Variants in PLD5 observed in about 807,000 individuals in gnomAD.
PLD5 encodes inactive phospholipase D5.
A neutral mutation model predicts 61.1 loss-of-function variants in PLD5; 36 were observed. The ratio of observed to expected loss-of-function variants is 0.59; its 90% CI spans 0.45 to 0.78. PLD5 has a LOEUF of 0.78. PLD5 is among the 30% of genes least tolerant of loss of function. The probability of loss-of-function intolerance (pLI) is 0.00; values close to 1 mark genes in which losing one functional copy is unlikely to be tolerated. For synonymous variants in PLD5, 243 were observed against 242.8 expected (o/e 1.00, Z -0.01); for missense variants, 515 against 644.4 (o/e 0.80, Z 2.17).
chr1:242,251,619 T>C (rs1222353003), intron 4 of PLD5, among the ~76,000 whole-genome samples: 1 of 151,328 alleles, frequency 6.6e-6, no homozygotes, highest in African/African-American at 2.4e-5. Context: ...AACCTGAACA[T>C]GGAGAAAAGG....
intron 2 of PLD5, among the ~76,000 whole-genome samples, chr1:242,347,271 G>T (rs1172698968): frequency 6.6e-6 from 1 of 152,080 alleles, no homozygotes; most frequent in Admixed American, 6.5e-5. Context: ...GTTGGGGGGT[G>T]GTCTTAGGCT....
chr1:242,353,323 A>T (rs1660579145), intron 1 of PLD5, among the ~76,000 whole-genome samples: 3 of 152,058 alleles, frequency 2.0e-5, no homozygotes, highest in Admixed American at 1.3e-4. Context: ...AAATCAATTG[A>T]CCACAGATGT....
chr1:242,403,766 C>T (rs1664074156), intron 1 of PLD5, among the ~76,000 whole-genome samples: 2 of 152,140 alleles, frequency 1.3e-5, no homozygotes, highest in Non-Finnish European at 2.9e-5. Flanking sequence ...TCTGGAAGCT[C>T]CTGGGTGTGA....
At chr1:242,525,962 A>G (rs1168113115), upstream of PLD5, among the ~76,000 whole-genome samples, 1 of 152,204 alleles carries the variant, frequency 6.6e-6, no homozygotes, top group African/African-American at 2.4e-5. Context: ...GAGCTGAACT[A>G]TATTGTGCAA....
intron 2 of PLD5, among the ~76,000 whole-genome samples, chr1:242,313,632 A>G (rs548933670): frequency 2.6e-5 from 4 of 152,314 alleles, no homozygotes; most frequent in African/African-American, 7.2e-5. Flanking sequence ...TACTTCTCAA[A>G]TAACCCATGT....
intron 4 of PLD5, among the ~76,000 whole-genome samples, chr1:242,245,312 T>C (rs147528406): frequency 6.8e-4 from 104 of 152,314 alleles, no homozygotes; most frequent in Admixed American, 1.8e-3. Context: ...TGAGGCATAA[T>C]TATAGGAAAT....
chr1:242,321,295 T>C lies in PLD5; in HGVS notation c.326+26811A>G, dbSNP rs199862916. ...CATTTACCATCTATTCTTTCTTTCT[T>C]TCTCTCTCTCTCTCTTTTTTTTTTT... On this transcript the variant is annotated intron_variant, in intron 2 of 9. Coordinates refer to ENST00000536534, the MANE Select transcript of PLD5 (RefSeq NM_001372062.1). Among the ~76,000 whole-genome samples the C allele has an allele frequency of 1.4e-4, 21 of 151,286 alleles. 1 individual carries two copies. Among genetic ancestry groups the C allele is most frequent in the African/African-American group, 4.6e-4 (19 of 41,118 alleles).
Position 242,400,723 on chromosome 1 carries a change from C to T in PLD5, c.190-52481G>A, listed in dbSNP as rs141352960. On this transcript the variant is annotated intron_variant, in intron 1 of 9. Transcript: ENST00000536534. ...AAGTCCCGGGATCTTTTCCCACCACCCGCCTGCTTTTCCAGCCCCCAAGAA... is the reference window on the plus strand; with the variant it reads ...AAGTCCCGGGATCTTTTCCCACCACTCGCCTGCTTTTCCAGCCCCCAAGAA... Among the ~76,000 whole-genome samples the T allele has an allele frequency of 3.9e-5, 6 of 152,212 alleles. No homozygotes were observed. The East Asian group carries it at 1.2e-3, about 29-fold the overall frequency.
At chr1:242,127,230 T>C (rs1169822554) in intron 5 of PLD5, among the ~76,000 whole-genome samples, 2 of 152,220 alleles carry the variant, frequency 1.3e-5, no homozygotes, top group South Asian at 2.1e-4. Context: ...ACAACCACTA[T>C]GGAAAACAGT....
upstream of PLD5, among the ~76,000 whole-genome samples, chr1:242,529,431 A>G (rs2103019266): frequency 6.6e-6 from 1 of 152,206 alleles, no homozygotes; most frequent in South Asian, 2.1e-4. Flanking sequence ...CTTTTTTCTC[A>G]CAAAATCCTG....
At chr1:242,305,380 T>A (rs1160936246) in intron 2 of PLD5, among the ~76,000 whole-genome samples, 1 of 152,176 alleles carries the variant, frequency 6.6e-6, no homozygotes, top group Non-Finnish European at 1.5e-5. Flanking sequence ...CTATTTTCTA[T>A]TTAAATATTT....
intron 1 of PLD5, among the ~76,000 whole-genome samples, chr1:242,438,937 C>T (rs1279386247): frequency 6.8e-6 from 1 of 147,318 alleles, no homozygotes; most frequent in African/African-American, 2.5e-5. Flanking sequence ...CTGCCCCTTC[C>T]CCAGCTTGTT....
At chr1:242,233,793 CTG>C (rs2149042869) in intron 4 of PLD5, among the ~76,000 whole-genome samples, 1 of 152,252 alleles carries the variant, frequency 6.6e-6, no homozygotes, top group Admixed American at 6.5e-5. Flanking sequence ...CCCCCTCTAG[CTG>C]TGTGTGTCCC....
intron 4 of PLD5, among the ~76,000 whole-genome samples, chr1:242,249,775 T>C (rs1430324420): frequency 5.9e-5 from 9 of 152,238 alleles, no homozygotes; most frequent in Non-Finnish European, 1.2e-4. Context: ...CATTGGAGCT[T>C]ATTAAAGGAA....
At chr1:242,168,023 T>C (rs1456023593) in intron 5 of PLD5, among the ~76,000 whole-genome samples, 1 of 152,218 alleles carries the variant, frequency 6.6e-6, no homozygotes, top group African/African-American at 2.4e-5. Context: ...TGCAAATCAA[T>C]GGAACCAGAA....
chr1:242,521,508 T>C (rs1442711883), intron 1 of PLD5, among the ~76,000 whole-genome samples: 3 of 152,230 alleles, frequency 2.0e-5, no homozygotes, highest in Middle Eastern at 3.2e-3. Context: ...TGACCAAATA[T>C]GTGTGTCATT....
intron 5 of PLD5, among the ~76,000 whole-genome samples, chr1:242,137,936 A>G (rs1469998537): frequency 6.6e-6 from 1 of 152,218 alleles, no homozygotes; most frequent in Non-Finnish European, 1.5e-5. Context: ...TTCTTTCCAC[A>G]TGCTTATGGG....
At chr1:242,107,193 G>C (rs1298383188) in intron 8 of PLD5, among the ~76,000 whole-genome samples, 1 of 152,038 alleles carries the variant, frequency 6.6e-6, no homozygotes, top group Non-Finnish European at 1.5e-5. Context: ...AAGATGGAGA[G>C]GGCCGGGTGC....
chr1:242,221,414 G>A (rs1308759694), intron 4 of PLD5, among the ~76,000 whole-genome samples: 1 of 152,146 alleles, frequency 6.6e-6, no homozygotes. Context: ...ATTACCACAG[G>A]CACACATAAG....
Sources: gnomAD v4.1 joint callset for allele counts (sites outside exome capture counted in the v4.1 genomes callset) on GRCh38, gnomAD v4.1.1 for gene constraint, MANE v1.5 for transcripts, NCBI Gene and HGNC (gene_info 2026-07-23, HGNC 2026-07-21) for gene names.